IMMP2L: variants seen among roughly 807,000 people sequenced by gnomAD.
IMMP2L encodes mitochondrial inner membrane protease subunit 2.
In IMMP2L, 18 loss-of-function variants were observed where a neutral mutation model predicts 19.3. That is an observed-to-expected ratio of 0.93 (90% CI 0.64 to 1.38). IMMP2L has a LOEUF of 1.38. IMMP2L is among the 40% of genes most tolerant of loss of function. The pLI, the probability that IMMP2L is intolerant of heterozygous loss-of-function variation, is 0.00. For synonymous variants in IMMP2L, 76 were observed against 73.0 expected (o/e 1.04, Z -0.21); for missense variants, 233 against 218.2 (o/e 1.07, Z -0.43).
intron 4 of IMMP2L, among the ~76,000 whole-genome samples, chr7:110,920,779 T>A (rs1814189122): frequency 3.3e-5 from 5 of 152,196 alleles, no homozygotes; most frequent in South Asian, 2.1e-4. Flanking sequence ...AGGAATTTTT[T>A]AAAACATTTT....
intron 3 of IMMP2L, among the ~76,000 whole-genome samples, chr7:111,165,016 G>C (rs1165828250): frequency 6.6e-6 from 1 of 151,922 alleles, no homozygotes; most frequent in Non-Finnish European, 1.5e-5. Flanking sequence ...TTCATATCCA[G>C]AACTTTTTTC....
At chr7:111,458,214 A>G (rs1332763634) in intron 3 of IMMP2L, among the ~76,000 whole-genome samples, 1 of 151,998 alleles carries the variant, frequency 6.6e-6, no homozygotes, top group African/African-American at 2.4e-5. Flanking sequence ...CCCCATCTCC[A>G]CCAAAAAATA....
chr7:111,133,862 A>G (rs2129595020), intron 3 of IMMP2L, among the ~76,000 whole-genome samples: 1 of 152,156 alleles, frequency 6.6e-6, no homozygotes, highest in African/African-American at 2.4e-5. Flanking sequence ...TCTCAGAAAC[A>G]AACACCCTTT....
At chr7:111,427,070 A>C (rs1191576857) in intron 3 of IMMP2L, among the ~76,000 whole-genome samples, 1 of 150,968 alleles carries the variant, frequency 6.6e-6, no homozygotes, top group Non-Finnish European at 1.5e-5. Context: ...TTTCAGATCC[A>C]AACTCCTTAC....
At chr7:110,714,428 C>G (rs1228125086) in intron 5 of IMMP2L, among the ~76,000 whole-genome samples, 2 of 151,956 alleles carry the variant, frequency 1.3e-5, no homozygotes, top group East Asian at 1.9e-4. Flanking sequence ...GGGTCTTTAC[C>G]AGGTTTTGGT....
In IMMP2L at chr7:111,256,640, C is replaced by T. The variant is rs76839813; in HGVS notation, c.239+230598G>A. Among the ~76,000 whole-genome samples, 134 of 152,098 alleles carry T rather than the reference C, an allele frequency of 8.8e-4. No homozygotes were observed. The East Asian group carries it at 0.022, about 25-fold the overall frequency. ...CCATTGTTCATAGAGGACCATGCTGCCTAGAGAGAAAAGTTCTTTTAAATC... is the reference window on the plus strand; with the variant it reads ...CCATTGTTCATAGAGGACCATGCTGTCTAGAGAGAAAAGTTCTTTTAAATC... On this transcript the variant is annotated intron_variant, in intron 3 of 5. Coordinates refer to ENST00000405709, the MANE Select transcript of IMMP2L (RefSeq NM_032549.4).
Position 110,909,112 on chromosome 7 carries a change from C to A in IMMP2L, c.306-22417G>T, listed in dbSNP as rs1812772751. On this transcript the variant is annotated intron_variant, in intron 4 of 5. Transcript: ENST00000405709. ...GCAGATTGAGAGCGTATGCCAAGAT[C>A]CCGTGTTCAGAAGAAACCTAGTGCA... Among the ~76,000 whole-genome samples the A allele has an allele frequency of 2.6e-5, 4 of 152,114 alleles. No individual in the cohort carries two copies. The South Asian group carries it at 8.3e-4, about 32-fold the overall frequency.
At chr7:110,985,837 C>A (rs1821802143) in intron 3 of IMMP2L, among the ~76,000 whole-genome samples, 1 of 152,114 alleles carries the variant, frequency 6.6e-6, no homozygotes, top group African/African-American at 2.4e-5. Flanking sequence ...ACAATACTAT[C>A]CCCAAAGGAG....
At chr7:111,097,013 C>A (rs190508992) in intron 3 of IMMP2L, 1 of 151,852 alleles carries the variant, frequency 6.6e-6, no homozygotes. Context: ...TGTCATTTCA[C>A]GCTTTACTTC....
At chr7:110,714,655 G>A (rs1562932363) in intron 5 of IMMP2L, among the ~76,000 whole-genome samples, 1 of 152,084 alleles carries the variant, frequency 6.6e-6, no homozygotes, top group Non-Finnish European at 1.5e-5. Flanking sequence ...GGAGTGCAGT[G>A]GTGCGATCTC....
At chr7:111,387,760 G>A (rs978929504) in intron 3 of IMMP2L, among the ~76,000 whole-genome samples, 3 of 151,684 alleles carry the variant, frequency 2.0e-5, no homozygotes, top group Admixed American at 6.6e-5. Context: ...GGCAGACAAC[G>A]AGGTCAGGAG....
intron 3 of IMMP2L, among the ~76,000 whole-genome samples, chr7:110,999,350 G>A (rs1347310934): frequency 7.2e-6 from 1 of 138,406 alleles, no homozygotes; most frequent in East Asian, 2.1e-4. Context: ...TTGAGATTCT[G>A]GATTGTACCT....
intron 4 of IMMP2L, among the ~76,000 whole-genome samples, chr7:110,891,599 A>G (rs1810806765): frequency 6.6e-6 from 1 of 152,180 alleles, no homozygotes; most frequent in African/African-American, 2.4e-5. Flanking sequence ...AACTTCAAAT[A>G]CTGGATTTAT....
At chr7:111,445,491 T>A (rs1433933656) in intron 3 of IMMP2L, among the ~76,000 whole-genome samples, 1 of 152,040 alleles carries the variant, frequency 6.6e-6, no homozygotes, top group Admixed American at 6.6e-5. Context: ...AAGATCATGA[T>A]GAATAATAAA....
At chr7:111,497,867 G>C (rs1843740753) in intron 2 of IMMP2L, among the ~76,000 whole-genome samples, 1 of 151,578 alleles carries the variant, frequency 6.6e-6, no homozygotes, top group Non-Finnish European at 1.5e-5. Context: ...CTTGAACATA[G>C]TGATCATTCA....
intron 3 of IMMP2L, among the ~76,000 whole-genome samples, chr7:111,035,277 A>C (rs910874229): frequency 2.0e-5 from 3 of 152,196 alleles, no homozygotes; most frequent in Non-Finnish European, 4.4e-5. Flanking sequence ...AAAAGGTATC[A>C]TCTATTAACC....
intron 3 of IMMP2L, among the ~76,000 whole-genome samples, chr7:111,460,053 A>C (rs571639811): frequency 1.3e-5 from 2 of 152,140 alleles, no homozygotes; most frequent in East Asian, 3.9e-4. Flanking sequence ...ACAACTAAAA[A>C]CCAGGCAATA....
At chr7:110,826,243 T>C (rs925108440) in intron 5 of IMMP2L, among the ~76,000 whole-genome samples, 12 of 152,174 alleles carry the variant, frequency 7.9e-5, no homozygotes, top group African/African-American at 2.9e-4. Context: ...TTGGTGGGAC[T>C]GTAAACTAGT....
At chr7:111,421,798 G>A (rs1415137603) in intron 3 of IMMP2L, among the ~76,000 whole-genome samples, 1 of 151,734 alleles carries the variant, frequency 6.6e-6, no homozygotes, top group Non-Finnish European at 1.5e-5. Flanking sequence ...CCTTGTCCAT[G>A]CCTATGTCCT....
Sources: gnomAD v4.1 joint callset for allele counts (sites outside exome capture counted in the v4.1 genomes callset) on GRCh38, gnomAD v4.1.1 for gene constraint, MANE v1.5 for transcripts, NCBI Gene and HGNC (gene_info 2026-07-23, HGNC 2026-07-21) for gene names.